Variants in CMYA5 observed in about 807,000 individuals in gnomAD.
CMYA5 encodes cardiomyopathy associated 5.
In CMYA5, 246 loss-of-function variants were observed where a neutral mutation model predicts 318.9. The observed-to-expected ratio is 0.77, with a 90% CI of 0.70 to 0.86. The LOEUF (loss-of-function observed/expected upper bound fraction) is 0.86, where lower values mean the gene tolerates loss of function less well. Ranked by LOEUF, CMYA5 falls within the 40% of genes least tolerant of loss-of-function variation. The probability of loss-of-function intolerance (pLI) is 0.00; values close to 1 mark genes in which losing one functional copy is unlikely to be tolerated. For synonymous variants in CMYA5, 1,641 were observed against 1,729.5 expected, an observed-to-expected ratio of 0.95 and a Z score of 1.27; for missense variants, 4,589 against 4,678.2, an observed-to-expected ratio of 0.98 and a Z score of 0.56.
chr5:79,766,475 T>G (rs1263268281), intron 9 of CMYA5, among the ~76,000 whole-genome samples: 1 of 152,246 alleles, frequency 6.6e-6, no homozygotes, highest in Non-Finnish European at 1.5e-5. Context: ...TTGAGATACA[T>G]TCAATGAATA....
intron 6 of CMYA5, among the ~76,000 whole-genome samples, chr5:79,754,993 C>T (rs749036702): frequency 1.3e-5 from 2 of 152,144 alleles, no homozygotes; most frequent in African/African-American, 2.4e-5. Context: ...CATGTTGTAA[C>T]GTGAAACTTT....
chr5:79,765,902 G>A (rs921401009), intron 9 of CMYA5, among the ~76,000 whole-genome samples: 9 of 152,032 alleles, frequency 5.9e-5, no homozygotes, highest in Non-Finnish European at 1.2e-4. Context: ...GAGATGATGG[G>A]GTTTTCTAAA....
rs150995273 is a variant in CMYA5 at position 79,749,288 on chromosome 5, G to A, written c.10991+2175G>A. Among the ~76,000 whole-genome samples, 208 of 152,294 alleles carry A rather than the reference G, an allele frequency of 1.4e-3. 1 individual carries two copies. The highest frequency in any genetic ancestry group is 4.6e-3 in the African/African-American group (191 of 41,550). On this transcript the variant is annotated intron_variant, in intron 5 of 12. Coordinates refer to ENST00000446378, the MANE Select transcript of CMYA5 (RefSeq NM_153610.5). The stretch of plus-strand genomic sequence containing the variant: ...ACAATTAAAGAAACCGCTGTCAAAC[G>A]TTCATGTACACGTGCACACACTTGA...
chr5:79,724,588 G>A (rs765334450), intron 1 of CMYA5, among the ~76,000 whole-genome samples: 5 of 152,156 alleles, frequency 3.3e-5, no homozygotes, highest in Non-Finnish European at 5.9e-5. Flanking sequence ...AATCTATGTG[G>A]GATGTTAACT....
intron 1 of CMYA5, among the ~76,000 whole-genome samples, chr5:79,715,992 G>A (rs1052522796): frequency 2.0e-5 from 3 of 152,180 alleles, no homozygotes; most frequent in African/African-American, 2.4e-5. Flanking sequence ...GTATGGGATC[G>A]TGGCATCGCT....
At chr5:79,788,135 A>T (rs1829112866) in intron 9 of CMYA5, among the ~76,000 whole-genome samples, 1 of 152,140 alleles carries the variant, frequency 6.6e-6, no homozygotes, top group Non-Finnish European at 1.5e-5. Context: ...CCAGGTTAGG[A>T]ACTTTCATTA....
rs772922252 is a variant in CMYA5, at chr5:79,729,893, G to A, written c.1128G>A (p.Val376=). The A allele has an allele frequency of 3.1e-6, 5 of 1,612,862 alleles. No homozygotes were observed. The highest frequency in any genetic ancestry group is 1.7e-5 in the Admixed American group (1 of 59,792). Reference sequence around the variant, plus strand: ...AAGATGAAGCAAAACCACATGAAGTGGAACCTCCATCTGTGACACCCGACA... The same window carrying A: ...AAGATGAAGCAAAACCACATGAAGTAGAACCTCCATCTGTGACACCCGACA... ...QPEDEAKPHE[V]EPPSVTPDTP... is the part of the protein sequence containing the mutation. The change falls in exon 2 of 13, where the codon GTG becomes GTA. Residue 376 remains valine (V), a synonymous_variant. Transcript: ENST00000446378.
chr5:79,767,002 A>G (rs1267953813), intron 9 of CMYA5, among the ~76,000 whole-genome samples: 4 of 152,172 alleles, frequency 2.6e-5, no homozygotes, highest in African/African-American at 7.2e-5. Flanking sequence ...TGGTCTATTC[A>G]GGGATTCGAC....
intron 1 of CMYA5, among the ~76,000 whole-genome samples, chr5:79,704,109 A>G (rs2151076409): frequency 6.6e-6 from 1 of 152,160 alleles, no homozygotes; most frequent in Middle Eastern, 3.4e-3. Flanking sequence ...TTCTAAATGT[A>G]CATCTGTGAA....
At position 79,761,916 on chromosome 5, in the gene CMYA5, C is replaced by T. The variant is rs533840356; in HGVS notation, c.11366C>T (p.Thr3789Ile). The T allele has an allele frequency of 3.1e-6, 5 of 1,613,718 alleles. No homozygotes were observed. The African/African-American group carries it at 5.3e-5, about 17-fold the overall frequency. The stretch of plus-strand genomic sequence containing the variant: ...GTGTGGGTGATGGCTGTGAACTTCA[C>T]TGGATGTAGCCTGCCCAGTGAAAGG... ...YQVWVMAVNF[T>I]GCSLPSERAI... The change falls in exon 8 of 13, where the codon ACT becomes ATT. Residue 3789 changes from threonine (T) to isoleucine (I), a missense_variant. This residue lies in a region of CMYA5 where 2,431 missense variants were observed against 2,495.1 expected (regional missense o/e 0.97). Transcript: ENST00000446378.
intron 5 of CMYA5, among the ~76,000 whole-genome samples, chr5:79,748,425 A>G (rs981458155): frequency 3.9e-5 from 6 of 152,184 alleles, no homozygotes; most frequent in African/African-American, 1.4e-4. Flanking sequence ...GCTTGTTACC[A>G]ATTCTCACAG....
intron 1 of CMYA5, among the ~76,000 whole-genome samples, chr5:79,702,819 A>G (rs1205954291): frequency 2.6e-5 from 4 of 152,206 alleles, no homozygotes; most frequent in African/African-American, 9.6e-5. Flanking sequence ...AACTGTTGCC[A>G]TGGCTGGGGC....
intron 1 of CMYA5, among the ~76,000 whole-genome samples, chr5:79,698,656 A>G (rs6453473): frequency 0.65 from 98,303 of 152,216 alleles, 33,941 homozygotes; most frequent in African/African-American, 0.9. Context: ...CTGCCCTGCC[A>G]CATGGGCTTA....
intron 1 of CMYA5, among the ~76,000 whole-genome samples, chr5:79,725,668 C>T (rs1261021954): frequency 1.3e-5 from 2 of 152,206 alleles, no homozygotes; most frequent in African/African-American, 4.8e-5. Flanking sequence ...TTTGGAAGGC[C>T]GAGGTGGGCA....
rs199864203 is a variant in CMYA5 at position 79,689,878 on chromosome 5, T to TCCGGCCCCGGCC, written c.-28_-17dup. 9.9e-5 allele frequency: 69 copies of TCCGGCCCCGGCC among 697,602 alleles called. No homozygotes were observed. The Middle Eastern group carries it at 1.1e-3, about 12-fold the overall frequency. The allele number at this position is 697,602 out of a possible 1,614,324, so 43.2% of individuals were successfully genotyped here. A position where few individuals can be genotyped will look rare whatever the true frequency, so the allele number is the denominator to read the frequency against. On this transcript the variant is annotated 5_prime_UTR_variant, in exon 1 of 13. Coordinates refer to ENST00000446378, the MANE Select transcript of CMYA5 (RefSeq NM_153610.5). ...CAGGCGCGGCGCGGGCGGCTCCGGC[T>TCCGGCCCCGGCC]CCGGCCCCGGCCCAGGCCCGGGAGA...
At chr5:79,797,399 C>T (rs539455641) in intron 12 of CMYA5, among the ~76,000 whole-genome samples, 1 of 152,210 alleles carries the variant, frequency 6.6e-6, no homozygotes, top group East Asian at 1.9e-4. Context: ...TAAGGACTTA[C>T]ATTTCACATA....
Position 79,735,384 on chromosome 5 carries a change from A to G in CMYA5, c.6619A>G (p.Ser2207Gly). Residue 2207 changes from serine to glycine, a missense_variant, in exon 2 of 13, where the codon AGT becomes GGT. Ser to Gly is a moderately conservative substitution (Grantham distance 56). Transcript: ENST00000446378. The stretch of plus-strand genomic sequence containing the variant: ...ACAAGAAGACTTAGAAACACAGCCA[A>G]GTCCATCCGTAGAAAAAGCAGTGAC... ...AEQEDLETQP[S>G]PSVEKAVTVI... 6.2e-7 allele frequency: 1 copy of G among 1,613,912 alleles called. No homozygotes were observed. Among genetic ancestry groups the G allele is most frequent in the South Asian group, 1.1e-5 (1 of 91,076 alleles).
At position 79,733,976 on chromosome 5, in the gene CMYA5, C is replaced by T. The variant is rs1436776682; in HGVS notation, c.5211C>T (p.Asn1737=). 1 of 1,613,420 alleles carries T rather than the reference C, an allele frequency of 6.2e-7. No homozygotes were observed. Among genetic ancestry groups the T allele is most frequent in the Non-Finnish European group, 8.5e-7 (1 of 1,179,826 alleles). ...EPPASVAEGG[N]PEEFQPFTFS... ...CTGCCTCTGTAGCTGAAGGAGGCAA[C>T]CCAGAAGAATTTCAGCCATTTACTT... Residue 1737 remains asparagine, a synonymous_variant, in exon 2 of 13, where the codon AAC becomes AAT. Transcript: ENST00000446378.
intron 9 of CMYA5, among the ~76,000 whole-genome samples, chr5:79,785,420 A>G (rs888097587): frequency 6.6e-6 from 1 of 152,002 alleles, no homozygotes; most frequent in Non-Finnish European, 1.5e-5. Context: ...GCATTTTCCT[A>G]TCCAAGAACT....
Sources: gnomAD v4.1 joint callset for allele counts (sites outside exome capture counted in the v4.1 genomes callset) on GRCh38, gnomAD v4.1.1 for gene constraint, gnomAD v4.1.1 regional missense constraint, MANE v1.5 for transcripts, NCBI Gene and HGNC (gene_info 2026-07-23, HGNC 2026-07-21) for gene names.